Variants in ABI2 observed in about 807,000 individuals in gnomAD.
ABI2 encodes the protein abl interactor 2, also known as abelson interactor 2.
ABI2 carries 25 observed loss-of-function variants against 59.2 expected under a neutral mutation model. The observed-to-expected ratio is 0.42, with a 90% CI of 0.31 to 0.59. ABI2 has a LOEUF of 0.59. Ranked by LOEUF, ABI2 falls within the 20% of genes least tolerant of loss-of-function variation. The probability of loss-of-function intolerance (pLI) is 0.14; values close to 1 mark genes in which losing one functional copy is unlikely to be tolerated. For synonymous variants in ABI2, 213 were observed against 235.5 expected (o/e 0.90, Z 0.87); for missense variants, 545 against 681.8 (o/e 0.80, Z 2.23).
At chr2:203,332,362 C>T (rs1447800522) in intron 1 of ABI2, among the ~76,000 whole-genome samples, 2 of 151,986 alleles carry the variant, frequency 1.3e-5, no homozygotes. Flanking sequence ...CACGGTGGCC[C>T]ACGCCTGTAA....
In ABI2 at chr2:203,402,711, G is replaced by A; in HGVS notation, c.1169G>A (p.Gly390Glu). 1.9e-6 allele frequency: 3 copies of A among 1,596,024 alleles called. No individual in the cohort carries two copies. The highest frequency in any genetic ancestry group is 2.6e-6 in the Non-Finnish European group (3 of 1,174,012). Residue 390 changes from glycine (G) to glutamate (E), a missense_variant, in exon 9 of 12, where the codon GGA becomes GAA. By Grantham distance (98) the Gly-to-Glu change is moderately conservative. Transcript: ENST00000261018. The stretch of plus-strand genomic sequence containing the variant: ...AGCCTTCAGAATCAGATGAATGGAG[G>A]ACCTTTTTATAGCCAGAATCCAGGT... ...QTSLQNQMNG[G>E]PFYSQNPVSL...
At chr2:203,335,515 G>T (rs1161103861) in intron 1 of ABI2, among the ~76,000 whole-genome samples, 1 of 152,106 alleles carries the variant, frequency 6.6e-6, no homozygotes, top group Non-Finnish European at 1.5e-5. Context: ...CTCCTGCCTT[G>T]GCTTCCCAAA....
At chr2:203,392,308 CCACCACCAACAA>C (rs1338094089) in intron 5 of ABI2, among the ~76,000 whole-genome samples, 44 of 106,540 alleles carry the variant, frequency 4.1e-4, no homozygotes, top group Admixed American at 1.2e-3. Context: ...ACCACCACCA[CCACCACCAACAA>C]CAACAACAAC....
At chr2:203,329,143 T>C (rs2070852207) in intron 1 of ABI2, 1 of 152,280 alleles carries the variant, frequency 6.6e-6, no homozygotes, top group Non-Finnish European at 1.5e-5. Context: ...ATATTTTATG[T>C]TCTAAAGGGG....
intron 2 of ABI2, chr2:203,375,893 G>A (rs924261227): frequency 2.7e-5 from 12 of 451,050 alleles, no homozygotes; most frequent in South Asian, 9.2e-5. Flanking sequence ...AAATAGAACC[G>A]TAGCCATTTT....
chr2:203,378,112 T>C lies in ABI2; in HGVS notation c.286-2096T>C, dbSNP rs2095832166. Among the ~76,000 whole-genome samples the C allele has an allele frequency of 2.0e-5, 3 of 151,900 alleles. No homozygotes were observed. The South Asian group carries it at 6.2e-4, about 32-fold the overall frequency. On this transcript the variant is annotated intron_variant, in intron 2 of 11. Coordinates refer to ENST00000261018, the MANE Select transcript of ABI2 (RefSeq NM_001375670.1). ...ATTTTTTTTCTTTTTCTTTTTCTTTTCTTTTCTTTTTTTTTTTTAAGATGG... is the reference window on the plus strand; with the variant it reads ...ATTTTTTTTCTTTTTCTTTTTCTTTCCTTTTCTTTTTTTTTTTTAAGATGG...
At chr2:203,394,968 C>A in intron 6 of ABI2, 122 bp downstream of exon 6, 2 of 1,119,194 alleles carry the variant, frequency 1.8e-6, no homozygotes, top group Non-Finnish European at 2.6e-6. Context: ...TTCTCCCAAA[C>A]CTCATCTGAT....
Position 203,380,218 on chromosome 2 carries a change from T to C in ABI2, c.296T>C (p.Ile99Thr), listed in dbSNP as rs1414406970. Reference protein sequence around the residue: ...SINHISQTVDIHKEKVARREI... With the variant: ...SINHISQTVDTHKEKVARREI... ...CATTATATTTTGCAGACAGTTGATATTCATAAAGAGAAAGTTGCAAGAAGA... is the reference window on the plus strand; with the variant it reads ...CATTATATTTTGCAGACAGTTGATACTCATAAAGAGAAAGTTGCAAGAAGA... The change falls in exon 3 of 12, where the codon ATT becomes ACT. Residue 99 changes from isoleucine (I) to threonine (T), a missense_variant. Coordinates refer to ENST00000261018, the MANE Select transcript of ABI2 (RefSeq NM_001375670.1). 9 of 1,581,222 alleles carry C rather than the reference T, an allele frequency of 5.7e-6. No individual in the cohort carries two copies. Among genetic ancestry groups the C allele is most frequent in the South Asian group, 1.2e-5 (1 of 84,738 alleles).
intron 4 of ABI2, among the ~76,000 whole-genome samples, chr2:203,385,771 T>C (rs920029361): frequency 2.0e-5 from 3 of 152,206 alleles, no homozygotes; most frequent in African/African-American, 7.2e-5. Flanking sequence ...AAGCCATCAA[T>C]TCTGTTTTGA....
At chr2:203,374,011 T>C (rs902067102) in intron 2 of ABI2, among the ~76,000 whole-genome samples, 1 of 151,284 alleles carries the variant, frequency 6.6e-6, no homozygotes, top group Admixed American at 6.6e-5. Flanking sequence ...ATGCAAAAAT[T>C]AGCCAGGTGT....
chr2:203,384,284 G>GTTTTTGTTTTTGTTTTT (rs1559288743), intron 4 of ABI2, among the ~76,000 whole-genome samples: 2 of 48,516 alleles, frequency 4.1e-5, no homozygotes, highest in African/African-American at 1.9e-4. Context: ...TCTTGTTTTT[G>GTTTTTGTTTTTGTTTTT]TTTTTGTTTT....
chr2:203,340,024 A>G (rs2078962628), intron 1 of ABI2, among the ~76,000 whole-genome samples: 1 of 152,240 alleles, frequency 6.6e-6, no homozygotes, highest in Admixed American at 6.5e-5. Flanking sequence ...TGCATATGTA[A>G]TAGAATATTA....
intron 11 of ABI2, among the ~76,000 whole-genome samples, chr2:203,419,267 G>A (rs963031081): frequency 1.7e-4 from 25 of 151,006 alleles, no homozygotes; most frequent in African/African-American, 3.9e-4. Context: ...CCACCACCGC[G>A]CCCCGCTAAT....
intron 5 of ABI2, among the ~76,000 whole-genome samples, chr2:203,391,820 CAAAA>C (rs1373761885): frequency 1.3e-4 from 8 of 59,862 alleles, no homozygotes; most frequent in Admixed American, 3.7e-4. Flanking sequence ...GCCCCTGTCT[CAAAA>C]AAAAAAAAAA....
At chr2:203,367,769 G>A (rs540625364) in intron 2 of ABI2, among the ~76,000 whole-genome samples, 1 of 152,102 alleles carries the variant, frequency 6.6e-6, no homozygotes, top group African/African-American at 2.4e-5. Flanking sequence ...TTGGGAGGCT[G>A]AGGTGGGAGG....
rs916004956 is a variant in ABI2 at position 203,391,154 on chromosome 2, A to C, written c.578+11A>C. ...GAAAGGGACACTTGGGTGAGTATAT[A>C]AGTAGTAATTGAAAACCATTTCATG... On this transcript the variant is annotated intron_variant, in intron 5 of 11. Transcript: ENST00000261018. The C allele has an allele frequency of 6.4e-7, 1 of 1,565,830 alleles. No homozygotes were observed. Among genetic ancestry groups the C allele is most frequent in the African/African-American group, 1.4e-5 (1 of 72,826 alleles).
At position 203,344,372 on chromosome 2, in the gene ABI2, C is replaced by CT. The variant is rs199851714; in HGVS notation, c.117+15750dup. Among the ~76,000 whole-genome samples, 639 of 149,614 alleles carry CT rather than the reference C, an allele frequency of 4.3e-3. 4 individuals carry two copies. Among genetic ancestry groups the CT allele is most frequent in the South Asian group, 0.015 (69 of 4,740 alleles). On this transcript the variant is annotated intron_variant, in intron 1 of 11. Coordinates refer to ENST00000261018, the MANE Select transcript of ABI2 (RefSeq NM_001375670.1). ...AATATAATTTTTAAATTTTTTTTTC[C>CT]TTTTTTTTTGAGACAGGGTCTCTTG...
At chr2:203,397,670 A>C (rs1486923651) in intron 8 of ABI2, among the ~76,000 whole-genome samples, 1 of 152,198 alleles carries the variant, frequency 6.6e-6, no homozygotes, top group African/African-American at 2.4e-5. Flanking sequence ...AGACTGGGTA[A>C]TTTATGCAGA....
At chr2:203,354,689 A>G (rs762710289) in intron 1 of ABI2, among the ~76,000 whole-genome samples, 9 of 147,674 alleles carry the variant, frequency 6.1e-5, no homozygotes, top group Non-Finnish European at 1.2e-4. Flanking sequence ...CCAAGGCCCC[A>G]GTTCACATAT....
Sources: allele counts gnomAD v4.1 joint callset (sites outside exome capture counted in the v4.1 genomes callset), GRCh38; gene constraint gnomAD v4.1.1; transcripts MANE v1.5; gene names NCBI Gene and HGNC (gene_info 2026-07-23, HGNC 2026-07-21).